VAV1: variants seen among roughly 807,000 people sequenced by gnomAD.
VAV1 encodes vav guanine nucleotide exchange factor 1, also known as proto-oncogene vav.
Under a neutral mutation model 128.1 loss-of-function variants are expected in VAV1, and 33 were observed. That is an observed-to-expected ratio of 0.26 (90% CI 0.20 to 0.34). The LOEUF is 0.34. Ranked by LOEUF, VAV1 falls within the 10% of genes least tolerant of loss-of-function variation. VAV1 has a pLI of 1.00. For missense variants in VAV1, 715 were observed against 1,093.7 expected, an observed-to-expected ratio of 0.65 and a Z score of 4.88; for synonymous variants, 394 against 409.8, an observed-to-expected ratio of 0.96 and a Z score of 0.47.
chr19:6,779,844 A>G (rs532756117), intron 1 of VAV1, among the ~76,000 whole-genome samples: 12 of 147,312 alleles, frequency 8.1e-5, no homozygotes, highest in Middle Eastern at 3.6e-3. Flanking sequence ...GGGCACGGTG[A>G]CTCACACCTG....
chr19:6,842,648 C>T (rs1232885134), intron 21 of VAV1, among the ~76,000 whole-genome samples: 1 of 151,988 alleles, frequency 6.6e-6, no homozygotes. Context: ...GGGAGACCAT[C>T]CCCCGCCCGA....
intron 21 of VAV1, among the ~76,000 whole-genome samples, chr19:6,841,882 A>T (rs1056961610): frequency 6.6e-6 from 1 of 151,858 alleles, no homozygotes; most frequent in African/African-American, 2.4e-5. Context: ...TTGTTTGTTG[A>T]TTTGTTTTTG....
chr19:6,844,852 TA>T (rs946072298), intron 22 of VAV1, among the ~76,000 whole-genome samples: 2 of 151,012 alleles, frequency 1.3e-5, no homozygotes, highest in African/African-American at 4.9e-5. Flanking sequence ...AATGCAACAT[TA>T]AAAAAAATCA....
chr19:6,833,314 A>G (rs1352088056), intron 16 of VAV1, 29 bp downstream of exon 16: 1 of 1,586,802 alleles, frequency 6.3e-7, no homozygotes. Context: ...GGTCCTGCAT[A>G]CCGGACTTGG....
Position 6,833,607 on chromosome 19 carries a change from T to C in VAV1, c.1690T>C (p.Cys564Arg). 1 of 1,613,898 alleles carries C rather than the reference T, an allele frequency of 6.2e-7. No individual in the cohort carries two copies. The highest frequency in any genetic ancestry group is 8.5e-7 in the Non-Finnish European group (1 of 1,179,850). Residue 564 changes from cysteine (C) to arginine (R), a missense_variant, in exon 17 of 27, where the codon TGT becomes CGT. Transcript: ENST00000602142. Reference protein sequence around the residue: ...HKECLGRVPPCGRHGQDFPGT... With the variant: ...HKECLGRVPPRGRHGQDFPGT... ...GGAGTGTCTGGGGAGGGTCCCTCCA[T>C]GTGGCCGACATGGGCAAGGTACGAG...
chr19:6,796,383 TG>T (rs1971136204), intron 1 of VAV1, among the ~76,000 whole-genome samples: 3 of 152,122 alleles, frequency 2.0e-5, no homozygotes, highest in African/African-American at 7.2e-5. Flanking sequence ...TTTGATTACA[TG>T]GCCACGGTTT....
chr19:6,792,880 G>A (rs1415860977), intron 1 of VAV1, among the ~76,000 whole-genome samples: 2 of 152,088 alleles, frequency 1.3e-5, no homozygotes, highest in Non-Finnish European at 2.9e-5. Flanking sequence ...ATGCTTCTGA[G>A]TGTCTTCCAA....
rs762043748 is a variant in VAV1 at position 6,828,610 on chromosome 19, C to T, written c.1093-12C>T. On this transcript the variant is annotated splice_polypyrimidine_tract_variant and intron_variant, in intron 11 of 26. Transcript: ENST00000602142. The surrounding 1 kb of genome is among the most constrained non-coding windows in gnomAD (Gnocchi z 4.5). ...TGTTGGGGGGCCAGGTTCACCCCTG[C>T]CCCCTCCCCAGGACCTGGCTCAGTG... The T allele has an allele frequency of 1.2e-6, 2 of 1,613,862 alleles. No homozygotes were observed. The highest frequency in any genetic ancestry group is 8.5e-7 in the Non-Finnish European group (1 of 1,179,868).
At chr19:6,796,882 G>T (rs1412052308) in intron 1 of VAV1, among the ~76,000 whole-genome samples, 1 of 152,108 alleles carries the variant, frequency 6.6e-6, no homozygotes, top group Non-Finnish European at 1.5e-5. Context: ...TATCTCTTTG[G>T]TTCATAGCTG....
chr19:6,832,696 TC>T (rs1281842367), intron 15 of VAV1, among the ~76,000 whole-genome samples: 1 of 149,990 alleles, frequency 6.7e-6, no homozygotes, highest in South Asian at 2.1e-4. Context: ...CTCTTCCTCC[TC>T]CCTTTCCTCC....
chr19:6,825,609 G>T (rs1352517106), intron 8 of VAV1, among the ~76,000 whole-genome samples: 2 of 152,190 alleles, frequency 1.3e-5, no homozygotes, highest in Non-Finnish European at 2.9e-5. Context: ...CTGTGCTTCT[G>T]CTTCCTCATC....
At chr19:6,810,368 CACTT>C (rs1173015488) in intron 1 of VAV1, among the ~76,000 whole-genome samples, 1 of 152,096 alleles carries the variant, frequency 6.6e-6, no homozygotes, top group Non-Finnish European at 1.5e-5. Flanking sequence ...ACTTTCAAAA[CACTT>C]AGATTCGTTC....
At chr19:6,776,250 A>T (rs1167971867) in intron 1 of VAV1, among the ~76,000 whole-genome samples, 6 of 150,598 alleles carry the variant, frequency 4.0e-5, no homozygotes, top group Non-Finnish European at 7.4e-5. Context: ...CCATCCATCC[A>T]TCCATCCATC....
intron 1 of VAV1, among the ~76,000 whole-genome samples, chr19:6,813,988 A>T (rs1194362650): frequency 6.6e-6 from 1 of 152,166 alleles, no homozygotes; most frequent in Non-Finnish European, 1.5e-5. Context: ...TGAGCCCAAG[A>T]GGTCAAGGTT....
chr19:6,784,302 A>G, intron 1 of VAV1: 1 of 500,218 alleles, frequency 2.0e-6, no homozygotes. Context: ...GGGATGTAGA[A>G]TAAGAAGGAC....
intron 19 of VAV1, among the ~76,000 whole-genome samples, chr19:6,835,214 T>TACACACAC (rs59124872): frequency 0.016 from 2,265 of 145,406 alleles, 79 homozygotes; most frequent in African/African-American, 0.055. Context: ...TATATATACA[T>TACACACAC]ACACACACAC....
intron 8 of VAV1, 136 bp downstream of exon 8, chr19:6,825,542 C>A: frequency 1.4e-6 from 1 of 691,408 alleles, no homozygotes; most frequent in South Asian, 1.9e-5. Flanking sequence ...AGGGGCTGCC[C>A]ATCTCTGGTT....
At chr19:6,850,801 G>C (rs1451398553) in intron 24 of VAV1, 44 bp downstream of exon 24, 2 of 1,604,596 alleles carry the variant, frequency 1.2e-6, no homozygotes, top group East Asian at 2.2e-5. Context: ...CAGAACCTAG[G>C]AGGACCCTCC....
intron 1 of VAV1, among the ~76,000 whole-genome samples, chr19:6,795,664 C>G (rs1460561916): frequency 6.6e-6 from 1 of 151,762 alleles, no homozygotes; most frequent in Admixed American, 6.6e-5. Flanking sequence ...GGGGTTTAGT[C>G]CACTCTTTTT....
Sources: allele counts gnomAD v4.1 joint callset (sites outside exome capture counted in the v4.1 genomes callset), GRCh38; gene constraint gnomAD v4.1.1; non-coding constraint Gnocchi (gnomAD v3.1); transcripts MANE v1.5; gene names NCBI Gene and HGNC (gene_info 2026-07-23, HGNC 2026-07-21).